Variants in FSTL5 observed in about 807,000 individuals in gnomAD.
The protein encoded by FSTL5 is follistatin-related protein 5.
A neutral mutation model predicts 89.1 loss-of-function variants in FSTL5; 62 were observed. The ratio of observed to expected loss-of-function variants is 0.70; its 90% CI spans 0.57 to 0.86. FSTL5 has a LOEUF of 0.86. FSTL5 is among the 40% of genes least tolerant of loss of function. FSTL5 has a pLI of 0.00. For synonymous variants in FSTL5, 383 were observed against 346.2 expected (o/e 1.11, Z -1.18); for missense variants, 1,057 against 1,001.6 (o/e 1.06, Z -0.75).
intron 8 of FSTL5, among the ~76,000 whole-genome samples, chr4:161,579,663 G>A (rs1203008371): frequency 6.7e-6 from 1 of 148,938 alleles, no homozygotes; most frequent in Non-Finnish European, 1.5e-5. Flanking sequence ...GTTGCAGTGA[G>A]CCAAGATCGT....
chr4:162,046,945 C>G (rs763126413), intron 2 of FSTL5, among the ~76,000 whole-genome samples: 1 of 151,966 alleles, frequency 6.6e-6, no homozygotes, highest in Non-Finnish European at 1.5e-5. Context: ...TTCCCAGTGA[C>G]TGAGAGTAGA....
intron 7 of FSTL5, among the ~76,000 whole-genome samples, chr4:161,597,635 A>T (rs1161430948): frequency 6.8e-6 from 1 of 147,504 alleles, no homozygotes; most frequent in Non-Finnish European, 1.5e-5. Flanking sequence ...TAATAAAAAA[A>T]ATATGAAACA....
chr4:161,684,160 C>CTT (rs142600697), intron 6 of FSTL5, among the ~76,000 whole-genome samples: 10,377 of 152,178 alleles, frequency 0.068, 423 homozygotes, highest in South Asian at 0.18. Context: ...ACTACAATTT[C>CTT]TTTAACCACT....
At chr4:161,582,701 T>A (rs1332673647) in intron 8 of FSTL5, among the ~76,000 whole-genome samples, 1 of 152,206 alleles carries the variant, frequency 6.6e-6, no homozygotes, top group African/African-American at 2.4e-5. Flanking sequence ...TTTTGATACA[T>A]CAGAAACTTT....
chr4:161,443,191 G>A (rs1008224584), intron 15 of FSTL5, among the ~76,000 whole-genome samples: 1 of 151,900 alleles, frequency 6.6e-6, no homozygotes, highest in African/African-American at 2.4e-5. Flanking sequence ...TCTGAATGGA[G>A]TACATGCCCA....
At chr4:161,593,312 T>C (rs1423768368) in intron 7 of FSTL5, among the ~76,000 whole-genome samples, 1 of 152,104 alleles carries the variant, frequency 6.6e-6, no homozygotes, top group Non-Finnish European at 1.5e-5. Context: ...ATAATAGTAC[T>C]CCAAAAAGCA....
At chr4:161,947,275 T>A (rs1734763424) in intron 3 of FSTL5, among the ~76,000 whole-genome samples, 1 of 152,000 alleles carries the variant, frequency 6.6e-6, no homozygotes, top group South Asian at 2.1e-4. Context: ...TTTATTTTTT[T>A]ATTGATGTTG....
intron 13 of FSTL5, among the ~76,000 whole-genome samples, chr4:161,477,649 CTTAT>C (rs35109523): frequency 0.38 from 57,882 of 150,986 alleles, 11,079 homozygotes; most frequent in East Asian, 0.41. Context: ...TATCTCTGAA[CTTAT>C]TTAATCATCC....
intron 2 of FSTL5, among the ~76,000 whole-genome samples, chr4:162,091,762 G>A (rs1384427026): frequency 6.6e-6 from 1 of 151,654 alleles, no homozygotes; most frequent in Non-Finnish European, 1.5e-5. Flanking sequence ...ATTTTCTTTG[G>A]TCTTCCAACA....
chr4:161,575,670 T>G (rs1432995936), intron 8 of FSTL5, among the ~76,000 whole-genome samples: 2 of 152,096 alleles, frequency 1.3e-5, no homozygotes, highest in Non-Finnish European at 2.9e-5. Context: ...GCCAGGCTGG[T>G]CATGAACTCC....
At chr4:161,617,117 T>A (rs1334039173) in intron 7 of FSTL5, among the ~76,000 whole-genome samples, 2 of 151,796 alleles carry the variant, frequency 1.3e-5, no homozygotes, top group African/African-American at 4.8e-5. Context: ...AAAGAACAGA[T>A]GGATGATTCA....
rs148210575 is a variant in FSTL5, at chr4:162,151,341, G to A, written c.-17+12274C>T. Among the ~76,000 whole-genome samples the A allele has an allele frequency of 1.0e-3, 154 of 151,074 alleles. 1 individual carries two copies. The highest frequency in any genetic ancestry group is 3.7e-3 in the African/African-American group (151 of 41,252). Reference sequence around the variant, plus strand: ...GTAAGGTATATAAATATGAGACACGGTCCTTGGTATGAAGTTGCTAACTCA... The same window carrying A: ...GTAAGGTATATAAATATGAGACACGATCCTTGGTATGAAGTTGCTAACTCA... On this transcript the variant is annotated intron_variant, in intron 1 of 15. Coordinates refer to ENST00000306100, the MANE Select transcript of FSTL5 (RefSeq NM_020116.5).
At chr4:161,883,708 G>C (rs909605398) in intron 4 of FSTL5, among the ~76,000 whole-genome samples, 4 of 152,136 alleles carry the variant, frequency 2.6e-5, no homozygotes, top group African/African-American at 4.8e-5. Context: ...GTTAAACAAA[G>C]TGCCAGTAAG....
chr4:161,451,885 G>C (rs766688309), intron 15 of FSTL5, among the ~76,000 whole-genome samples: 2 of 152,100 alleles, frequency 1.3e-5, no homozygotes, highest in Non-Finnish European at 2.9e-5. Flanking sequence ...GTGTCCAGTG[G>C]TTTTTAGGCA....
chr4:161,860,631 G>T (rs1225515195), intron 4 of FSTL5, among the ~76,000 whole-genome samples: 1 of 152,152 alleles, frequency 6.6e-6, no homozygotes, highest in African/African-American at 2.4e-5. Flanking sequence ...CTATGGATAT[G>T]TAAAAATTAA....
intron 10 of FSTL5, among the ~76,000 whole-genome samples, chr4:161,533,131 C>A: frequency 6.7e-6 from 1 of 149,772 alleles, no homozygotes. Context: ...GTTAGAAAGA[C>A]CTCAAGTTAG....
intron 4 of FSTL5, among the ~76,000 whole-genome samples, chr4:161,895,889 T>C (rs1218462275): frequency 6.6e-6 from 1 of 152,160 alleles, no homozygotes; most frequent in Non-Finnish European, 1.5e-5. Flanking sequence ...ACTTTCTGTT[T>C]CACCACAGAC....
At chr4:161,745,721 G>A (rs1006511686) in intron 6 of FSTL5, among the ~76,000 whole-genome samples, 5 of 151,738 alleles carry the variant, frequency 3.3e-5, no homozygotes, top group Admixed American at 2.0e-4. Flanking sequence ...TCTCAGAAGT[G>A]TTACCATTTT....
chr4:162,087,279 T>C (rs1579016334), intron 2 of FSTL5, among the ~76,000 whole-genome samples: 2 of 152,236 alleles, frequency 1.3e-5, no homozygotes, highest in East Asian at 3.9e-4. Flanking sequence ...TTACTTCAAT[T>C]AATGAAAGTT....
Sources: gnomAD v4.1 joint callset for allele counts (sites outside exome capture counted in the v4.1 genomes callset) on GRCh38, gnomAD v4.1.1 for gene constraint, MANE v1.5 for transcripts, NCBI Gene and HGNC (gene_info 2026-07-23, HGNC 2026-07-21) for gene names.